Variants in COBL observed in about 807,000 individuals in gnomAD.
The protein encoded by COBL is protein cordon-bleu.
In COBL, 51 loss-of-function variants were observed where a neutral mutation model predicts 98.8. That is an observed-to-expected ratio of 0.52 (90% CI 0.41 to 0.65). The LOEUF is 0.65. COBL is among the 30% of genes least tolerant of loss of function. The probability of loss-of-function intolerance (pLI) is 0.00; values close to 1 mark genes in which losing one functional copy is unlikely to be tolerated. For synonymous variants in COBL, 634 were observed against 651.7 expected, an observed-to-expected ratio of 0.97 and a Z score of 0.41; for missense variants, 1,617 against 1,617.5, an observed-to-expected ratio of 1.00 and a Z score of 0.01.
At chr7:51,039,047 AG>A (rs148069837) in intron 8 of COBL, among the ~76,000 whole-genome samples, 4,151 of 152,286 alleles carry the variant, frequency 0.027, 173 homozygotes, top group African/African-American at 0.089. Flanking sequence ...GACCAGGCAC[AG>A]GGCACCAGGA....
chr7:51,111,069 G>C (rs1479751300), intron 6 of COBL, among the ~76,000 whole-genome samples: 2 of 152,144 alleles, frequency 1.3e-5, no homozygotes, highest in African/African-American at 4.8e-5. Context: ...GGGATTGCTG[G>C]ATCAAATGGT....
intron 6 of COBL, among the ~76,000 whole-genome samples, chr7:51,121,507 A>C (rs1797735033): frequency 6.6e-6 from 1 of 152,226 alleles, no homozygotes. Context: ...CAAAAGTAAA[A>C]GCTTTGCAGA....
chr7:51,082,921 T>G (rs1035072406), intron 7 of COBL: 1 of 788,530 alleles, frequency 1.3e-6, no homozygotes, highest in Non-Finnish European at 2.1e-6. Flanking sequence ...GCATTCAGCA[T>G]TGGGAAACAA....
Position 51,083,288 on chromosome 7 carries a change from C to T in COBL, c.1096+1878G>A. 4 of 1,332,134 alleles carry T rather than the reference C, an allele frequency of 3.0e-6. No individual in the cohort carries two copies. In the South Asian group the frequency reaches 4.6e-5, roughly 15 times the overall value. 82.5% of individuals were successfully genotyped at this position (1,332,134 alleles called of 1,614,324 possible). On this transcript the variant is annotated intron_variant, in intron 7 of 12. Transcript: ENST00000265136. ...TTAAACCAAGCCGTCACTCACTAGG[C>T]ACCAAATCCAACCTCACTGGGCACC...
At chr7:51,144,170 T>G (rs143312509) in intron 5 of COBL, among the ~76,000 whole-genome samples, 2 of 152,118 alleles carry the variant, frequency 1.3e-5, no homozygotes, top group Non-Finnish European at 1.5e-5. Context: ...ACTAAGCCGG[T>G]TAGGGAGGAA....
intron 8 of COBL, chr7:51,032,800 T>C (rs997535489): frequency 1.3e-5 from 2 of 151,188 alleles, no homozygotes; most frequent in South Asian, 2.1e-4. Flanking sequence ...TGGAATGAGA[T>C]GGTTTAAATA....
At chr7:51,193,066 A>G (rs1035676635) in intron 3 of COBL, among the ~76,000 whole-genome samples, 34 of 152,352 alleles carry the variant, frequency 2.2e-4, no homozygotes, top group African/African-American at 7.9e-4. Flanking sequence ...GCCAGTGGCT[A>G]TCATATAAGA....
intron 1 of COBL, among the ~76,000 whole-genome samples, chr7:51,231,321 T>A (rs10235703): frequency 0.3 from 45,547 of 152,022 alleles, 9,231 homozygotes; most frequent in East Asian, 0.6. Flanking sequence ...AGATGATGAA[T>A]GATCAGCAAA....
At chr7:51,287,872 T>A (rs1270365645) in intron 1 of COBL, among the ~76,000 whole-genome samples, 1 of 152,026 alleles carries the variant, frequency 6.6e-6, no homozygotes, top group African/African-American at 2.4e-5. Context: ...CTACTGACAG[T>A]TGACTGAAAG....
intron 1 of COBL, among the ~76,000 whole-genome samples, chr7:51,253,157 G>A (rs1490801053): frequency 1.3e-5 from 2 of 152,136 alleles, no homozygotes; most frequent in Admixed American, 1.3e-4. Flanking sequence ...CCAGGAGGCG[G>A]AGGTTGCAGT....
intron 6 of COBL, among the ~76,000 whole-genome samples, chr7:51,092,938 C>T (rs1216934409): frequency 4.0e-5 from 1 of 24,742 alleles, no homozygotes; most frequent in Non-Finnish European, 7.5e-5. Flanking sequence ...TTTGTGTGCC[C>T]TTTCCAATTT....
chr7:51,297,391 CTT>C (rs71021766), intron 1 of COBL, among the ~76,000 whole-genome samples: 21 of 119,230 alleles, frequency 1.8e-4, no homozygotes, highest in East Asian at 2.6e-4. Flanking sequence ...TTTTGAAAAT[CTT>C]TTTTTTTTTT....
chr7:51,126,933 C>G (rs1463302138), intron 6 of COBL, among the ~76,000 whole-genome samples: 1 of 152,142 alleles, frequency 6.6e-6, no homozygotes, highest in Non-Finnish European at 1.5e-5. Context: ...CCTTAGCTGT[C>G]TGACATTGAG....
Position 51,140,904 on chromosome 7 carries a change from T to G in COBL, c.784-4573A>C, listed in dbSNP as rs190910803. 7.2e-3 allele frequency among the ~76,000 whole-genome samples: 1,098 copies of G among 152,194 alleles called. 13 individuals carry two copies. Among genetic ancestry groups the G allele is most frequent in the African/African-American group, 0.026 (1,066 of 41,516 alleles). ...TCAACGTAAACATCCCTATTTCGAG[T>G]CAGCACAGACTGCCATGGTCCATTT... On this transcript the variant is annotated intron_variant, in intron 5 of 12. Transcript: ENST00000265136.
chr7:51,236,503 T>C (rs1349756712), intron 1 of COBL, among the ~76,000 whole-genome samples: 1 of 152,148 alleles, frequency 6.6e-6, no homozygotes, highest in African/African-American at 2.4e-5. Context: ...ATCCATCCCC[T>C]TCTGAATGAA....
In COBL at chr7:51,029,070, T is replaced by A. The variant is rs371012992; in HGVS notation, c.2026A>T (p.Ser676Cys). 5 of 1,614,222 alleles carry A rather than the reference T, an allele frequency of 3.1e-6. No homozygotes were observed. The highest frequency in any genetic ancestry group is 1.6e-4 in the Middle Eastern group (1 of 6,062). Reference protein sequence around the residue: ...VNSQPVNEKDSNDKNAALAPT... With the variant: ...VNSQPVNEKDCNDKNAALAPT... ...GCCAAGGCAGCGTTTTTATCGTTGC[T>A]GTCCTTTTCATTCACCGGTTGGGAA... The change falls in exon 10 of 13, where the codon AGC becomes TGC. Residue 676 changes from serine (S) to cysteine (C), a missense_variant. Physicochemically the swap from Ser to Cys is moderately radical, Grantham distance 112 (BLOSUM62 -1). Around this residue, in one of 3 missense-constraint regions of COBL, gnomAD observed 1,304 missense variants for 1,282.0 expected, o/e 1.02. Transcript: ENST00000265136.
At chr7:51,125,639 G>A (rs953223603) in intron 6 of COBL, among the ~76,000 whole-genome samples, 11 of 152,166 alleles carry the variant, frequency 7.2e-5, no homozygotes, top group Non-Finnish European at 2.9e-5. Context: ...AGAGATGACA[G>A]TCCCTATCTT....
chr7:51,077,433 C>T (rs1486949380), intron 7 of COBL, among the ~76,000 whole-genome samples: 1 of 152,136 alleles, frequency 6.6e-6, no homozygotes, highest in African/African-American at 2.4e-5. Flanking sequence ...ACCATGACAG[C>T]CAGGAAGACA....
chr7:51,185,526 T>C (rs1225314168), intron 4 of COBL, among the ~76,000 whole-genome samples: 3 of 152,212 alleles, frequency 2.0e-5, no homozygotes, highest in Non-Finnish European at 4.4e-5. Flanking sequence ...ACTAGTGTCA[T>C]GATTTGCTCA....
Sources: gnomAD v4.1 joint callset for allele counts (sites outside exome capture counted in the v4.1 genomes callset) on GRCh38, gnomAD v4.1.1 for gene constraint, gnomAD v4.1.1 regional missense constraint, MANE v1.5 for transcripts, NCBI Gene and HGNC (gene_info 2026-07-23, HGNC 2026-07-21) for gene names.